Variants in ADGRA1 observed in about 807,000 individuals in gnomAD.
The protein encoded by ADGRA1 is adhesion G protein-coupled receptor A1.
Under a neutral mutation model 21.3 loss-of-function variants are expected in ADGRA1, and 12 were observed. That is an observed-to-expected ratio of 0.56 (90% CI 0.36 to 0.91). The LOEUF (loss-of-function observed/expected upper bound fraction) is 0.91, where lower values mean the gene tolerates loss of function less well. Among genes scored for constraint, ADGRA1 ranks in the 40% least tolerant of loss-of-function variants. ADGRA1 has a pLI of 0.01. For missense variants in ADGRA1, 790 were observed against 805.6 expected, an observed-to-expected ratio of 0.98 and a Z score of 0.23; for synonymous variants, 385 against 368.8, an observed-to-expected ratio of 1.04 and a Z score of -0.50.
intron 6 of ADGRA1, among the ~76,000 whole-genome samples, 181 bp from the exon 7 acceptor site, chr10:133,128,147 GC>G (rs1213891400): frequency 2.0e-5 from 3 of 150,058 alleles, no homozygotes; most frequent in African/African-American, 7.4e-5. Flanking sequence ...AGCTGGTAGG[GC>G]CAATAGGGCC....
intron 5 of ADGRA1, among the ~76,000 whole-genome samples, chr10:133,116,653 C>CAG (rs369029156): frequency 2.6e-5 from 4 of 152,132 alleles, no homozygotes; most frequent in African/African-American, 9.6e-5. Context: ...CAACCAGAAA[C>CAG]GGGCAGCCCG....
chr10:133,121,876 G>T (rs911641348), intron 5 of ADGRA1, among the ~76,000 whole-genome samples: 37 of 146,968 alleles, frequency 2.5e-4, no homozygotes, highest in African/African-American at 8.4e-4. Context: ...CCTGTGTGTG[G>T]TGTGTGCCAG....
intron 5 of ADGRA1, among the ~76,000 whole-genome samples, chr10:133,108,935 G>A (rs1289750681): frequency 1.1e-4 from 12 of 104,402 alleles, no homozygotes; most frequent in Admixed American, 1.1e-3. Context: ...AGCTCCACTC[G>A]GCCCCAGCTC....
In ADGRA1 at chr10:133,095,786, A is replaced by G. The variant is rs765737876; in HGVS notation, c.4-1188A>G. ...CTGCCTGCATCCCGACACAGGTGAC[A>G]CTGCCTCTGCCCATGGCCCTTCCTG... On this transcript the variant is annotated intron_variant, in intron 2 of 6. Coordinates refer to ENST00000392607, the MANE Select transcript of ADGRA1 (RefSeq NM_001083909.3). 53 of 1,598,080 alleles carry G rather than the reference A, an allele frequency of 3.3e-5. No individual in the cohort carries two copies. In the East Asian group the frequency reaches 6.9e-4, roughly 21 times the overall value.
At chr10:133,126,734 GAC>G (rs1852381989) in intron 5 of ADGRA1, among the ~76,000 whole-genome samples, 1 of 152,212 alleles carries the variant, frequency 6.6e-6, no homozygotes. Flanking sequence ...TCCTCGGTCT[GAC>G]AGGGAGCAGA....
chr10:133,107,468 G>T (rs1326140977), intron 5 of ADGRA1, among the ~76,000 whole-genome samples: 2 of 152,028 alleles, frequency 1.3e-5, no homozygotes, highest in African/African-American at 4.8e-5. Context: ...TTCATTGATG[G>T]TCTTTATTTT....
intron 6 of ADGRA1, 70 bp downstream of exon 6, chr10:133,127,401 C>A: frequency 1.7e-6 from 2 of 1,203,212 alleles, no homozygotes; most frequent in Non-Finnish European, 2.4e-6. Context: ...CCCTCCCAGG[C>A]ACCTGTGGTG....
At chr10:133,102,109 G>A (rs983280245) in intron 4 of ADGRA1, 9 of 379,288 alleles carry the variant, frequency 2.4e-5, no homozygotes, top group Admixed American at 1.6e-4. Context: ...GCAAACGCAG[G>A]AAGTTTCCAT....
chr10:133,129,090 C>T lies in ADGRA1; in HGVS notation c.1262C>T (p.Thr421Ile), dbSNP rs1321309844. The change falls in exon 7 of 7, where the codon ACT becomes ATT. Residue 421 changes from threonine to isoleucine, a missense_variant. Physicochemically the swap from Thr to Ile is moderately conservative, Grantham distance 89. This residue lies in a region of ADGRA1 where 391 missense variants were observed against 351.5 expected (regional missense o/e 1.11). Transcript: ENST00000392607. ...CTGCACGGGTGCCTTCAGGGCAGAA[C>T]TAAGCCGCCCTACTTTAGCCGGCAC... Reference protein sequence around the residue: ...PHLHGCLQGRTKPPYFSRHPA... With the variant: ...PHLHGCLQGRIKPPYFSRHPA... 1 of 1,549,568 alleles carries T rather than the reference C, an allele frequency of 6.5e-7. No individual in the cohort carries two copies. Among genetic ancestry groups the T allele is most frequent in the Non-Finnish European group, 8.7e-7 (1 of 1,145,132 alleles).
chr10:133,128,231 C>T (rs1852420163), intron 6 of ADGRA1, 98 bp from the exon 7 acceptor site: 14 of 913,778 alleles, frequency 1.5e-5, no homozygotes, highest in Middle Eastern at 3.4e-4. Context: ...CAAAGCCACT[C>T]GCTAGGCCGG....
At chr10:133,112,152 C>T (rs930652774) in intron 5 of ADGRA1, among the ~76,000 whole-genome samples, 12 of 152,234 alleles carry the variant, frequency 7.9e-5, no homozygotes, top group African/African-American at 2.7e-4. Context: ...CCTTTGCCAG[C>T]CAAAAGGAAG....
At chr10:133,090,702 A>T (rs900235324) in intron 2 of ADGRA1, among the ~76,000 whole-genome samples, 15 of 151,958 alleles carry the variant, frequency 9.9e-5, no homozygotes, top group Non-Finnish European at 5.9e-5. Context: ...TGCCTGCCCC[A>T]CTGCTGTGCT....
rs1564849700 is a variant in ADGRA1, at chr10:133,111,972, CACAGGCACCTCCCTCCTA to C, written c.401+9132_401+9149del. Reference sequence around the variant, plus strand: ...TAATCCCTCCAGACCACCTGCCCACCACAGGCACCTCCCTCCTAATGCCTCCAGACCACCTGCCCACCA... The same window carrying C: ...TAATCCCTCCAGACCACCTGCCCACCATGCCTCCAGACCACCTGCCCACCA... On this transcript the variant is annotated intron_variant, in intron 5 of 6. Transcript: ENST00000392607. 8.2e-4 allele frequency among the ~76,000 whole-genome samples: 71 copies of C among 86,140 alleles called. 11 individuals are homozygous for C. Among genetic ancestry groups the C allele is most frequent in the African/African-American group, 1.7e-3 (37 of 21,836 alleles). The allele number at this position is 86,140 out of a possible 152,430, so 56.5% of individuals were successfully genotyped here.
In ADGRA1 at chr10:133,092,794, G is replaced by GAAGA. The variant is rs1371661208; in HGVS notation, c.3+3883_3+3886dup. Among the ~76,000 whole-genome samples the GAAGA allele has an allele frequency of 3.6e-5, 5 of 138,648 alleles. No homozygotes were observed. The East Asian group carries it at 1.1e-3, about 31-fold the overall frequency. 91.0% of individuals were successfully genotyped at this position (138,648 alleles called of 152,430 possible). On this transcript the variant is annotated intron_variant, in intron 2 of 6. Transcript: ENST00000392607. ...GGAAGGAAGGAAGGAAGGAAGGAAG[G>GAAGA]AAGAGAGGGAGGGAAGGGAGGGAAG...
intron 4 of ADGRA1, among the ~76,000 whole-genome samples, chr10:133,101,965 C>T (rs781349006): frequency 9.9e-5 from 15 of 152,236 alleles, no homozygotes; most frequent in Non-Finnish European, 1.9e-4. Context: ...CATAATGGTG[C>T]GACGTTAGCT....
In ADGRA1 at chr10:133,129,265, C is replaced by T. The variant is rs762857565; in HGVS notation, c.1437C>T (p.Pro479=). ...LACCTQGDPF[P]MVTQPEGSDG... is the part of the protein sequence containing the mutation. Reference sequence around the variant, plus strand: ...GCTGCACCCAGGGCGACCCCTTCCCCATGGTCACCCAGCCCGAGGGCAGTG... The same window carrying T: ...GCTGCACCCAGGGCGACCCCTTCCCTATGGTCACCCAGCCCGAGGGCAGTG... Residue 479 remains proline, a synonymous_variant, in exon 7 of 7, where the codon CCC becomes CCT. Coordinates refer to ENST00000392607, the MANE Select transcript of ADGRA1 (RefSeq NM_001083909.3). The T allele has an allele frequency of 1.3e-5, 20 of 1,549,914 alleles. 1 individual carries two copies. In the South Asian group the frequency reaches 2.4e-4, roughly 18 times the overall value.
chr10:133,103,192 G>A (rs979993145), intron 5 of ADGRA1, among the ~76,000 whole-genome samples: 8 of 152,292 alleles, frequency 5.3e-5, no homozygotes, highest in South Asian at 4.1e-4. Context: ...TGGGGCTGGC[G>A]TGTGTTGGGG....
rs116825284 is a variant in ADGRA1, at chr10:133,121,437, G to A, written c.402-5796G>A. 4.0e-3 allele frequency among the ~76,000 whole-genome samples: 610 copies of A among 151,084 alleles called. 5 individuals carry two copies. Among genetic ancestry groups the A allele is most frequent in the African/African-American group, 0.013 (532 of 41,162 alleles). ...GCATGTGTGTGGTGTGTCAGTGTGCGTGTGTGCGTGTGCGTGGAGTGTGTC... is the reference window on the plus strand; with the variant it reads ...GCATGTGTGTGGTGTGTCAGTGTGCATGTGTGCGTGTGCGTGGAGTGTGTC... On this transcript the variant is annotated intron_variant, in intron 5 of 6. Transcript: ENST00000392607.
intron 2 of ADGRA1, among the ~76,000 whole-genome samples, chr10:133,091,508 C>T (rs1851595292): frequency 6.6e-6 from 1 of 152,224 alleles, no homozygotes; most frequent in African/African-American, 2.4e-5. Flanking sequence ...GGCCCTGTGC[C>T]GATGGCACCA....
Sources: allele counts gnomAD v4.1 joint callset (sites outside exome capture counted in the v4.1 genomes callset), GRCh38; gene constraint gnomAD v4.1.1; regional missense constraint gnomAD v4.1.1; transcripts MANE v1.5; gene names NCBI Gene and HGNC (gene_info 2026-07-23, HGNC 2026-07-21).